Variants in KLHL21 observed in about 807,000 individuals in gnomAD.
The protein encoded by KLHL21 is kelch like family member 21, also known as kelch-like protein 21.
KLHL21 carries 42 observed loss-of-function variants against 44.1 expected under a neutral mutation model. The observed-to-expected ratio is 0.95, with a 90% CI of 0.74 to 1.23. The LOEUF (loss-of-function observed/expected upper bound fraction) is 1.23. Among genes scored for constraint, KLHL21 ranks in the 50% most tolerant of loss-of-function variants. The probability of loss-of-function intolerance (pLI) is 0.00; values close to 1 mark genes in which losing one functional copy is unlikely to be tolerated. For missense variants in KLHL21, 918 were observed against 889.1 expected (o/e 1.03, Z -0.41); for synonymous variants, 524 against 411.6 (o/e 1.27, Z -3.31).
At position 6,602,828 on chromosome 1, in the gene KLHL21, A is replaced by G; in HGVS notation, c.-11T>C. 3 of 1,414,158 alleles carry G rather than the reference A, an allele frequency of 2.1e-6. No homozygotes were observed. Among genetic ancestry groups the G allele is most frequent in the Non-Finnish European group, 2.7e-6 (3 of 1,093,446 alleles). The allele number at this position is 1,414,158 out of a possible 1,614,324, so 87.6% of individuals were successfully genotyped here. Reference sequence around the variant, plus strand: ...CGCCGGTCGCTCCATGGCGCCTTCGATAGGTTGTCGAGGACGCCGCGGCCG... The same window carrying G: ...CGCCGGTCGCTCCATGGCGCCTTCGGTAGGTTGTCGAGGACGCCGCGGCCG... On this transcript the variant is annotated 5_prime_UTR_variant, in exon 1 of 4. Coordinates refer to ENST00000377658, the MANE Select transcript of KLHL21 (RefSeq NM_014851.4).
rs1459929148 is a variant in KLHL21, at chr1:6,590,833, GCCCGA to G, written c.*2527_*2531del. 2.3e-5 allele frequency: 9 copies of G among 398,132 alleles called. No homozygotes were observed. The highest frequency in any genetic ancestry group is 3.5e-5 in the Non-Finnish European group (8 of 225,910). 24.7% of individuals were successfully genotyped at this position (398,132 alleles called of 1,614,324 possible). A position where few individuals can be genotyped will look rare whatever the true frequency, so the allele number is the denominator to read the frequency against. ...TAGACAAAAATAAATATGTCAACCT[GCCCGA>G]CCCTCTGGGGTGAACTGGATGTGGA... On this transcript the variant is annotated 3_prime_UTR_variant, in exon 4 of 4. Coordinates refer to ENST00000377658, the MANE Select transcript of KLHL21 (RefSeq NM_014851.4).
Position 6,602,442 on chromosome 1 carries a change from CG to C in KLHL21, c.375del (p.Cys125TrpfsTer215). On this transcript the variant is annotated frameshift_variant, in exon 1 of 4. Transcript: ENST00000377658. LOFTEE classifies it high-confidence loss of function. The part of the protein sequence containing the change: ...LLQFPAVKEA[C>X]GAFLQQQLDL... ...TCGAGCTGCTGCTGCAGGAAGGCCC[CG>C]CACGCCTCCTTCACGGCCGGGAACT... 6.3e-7 allele frequency: 1 copy of C among 1,589,476 alleles called. No individual in the cohort carries two copies. Among genetic ancestry groups the C allele is most frequent in the Non-Finnish European group, 8.5e-7 (1 of 1,173,258 alleles).
Position 6,592,957 on chromosome 1 carries a change from C to T in KLHL21, c.*408G>A, listed in dbSNP as rs1640872655. The T allele has an allele frequency of 5.6e-6, 1 of 177,018 alleles. No homozygotes were observed. Among genetic ancestry groups the T allele is most frequent in the Non-Finnish European group, 1.2e-5 (1 of 83,890 alleles). The allele number at this position is 177,018 out of a possible 1,614,324, so 11.0% of individuals were successfully genotyped here. On this transcript the variant is annotated 3_prime_UTR_variant, in exon 4 of 4. Coordinates refer to ENST00000377658, the MANE Select transcript of KLHL21 (RefSeq NM_014851.4). ...CTGGTCCGCTGCTCCAGGTTCAGGC[C>T]ATCCTCAGCCTCATGGGAGGACCCC...
Position 6,602,838 on chromosome 1 carries a change from G to A in KLHL21, c.-21C>T, listed in dbSNP as rs972183713. On this transcript the variant is annotated 5_prime_UTR_variant, in exon 1 of 4. Transcript: ENST00000377658. ...TCCATGGCGCCTTCGATAGGTTGTCGAGGACGCCGCGGCCGGGGCCTGCGG... is the reference window on the plus strand; with the variant it reads ...TCCATGGCGCCTTCGATAGGTTGTCAAGGACGCCGCGGCCGGGGCCTGCGG... The A allele has an allele frequency of 2.1e-6, 3 of 1,407,944 alleles. No homozygotes were observed. The highest frequency in any genetic ancestry group is 3.4e-5 in the Admixed American group (1 of 29,206). 87.2% of individuals were successfully genotyped at this position (1,407,944 alleles called of 1,614,324 possible).
At position 6,602,412 on chromosome 1, in the gene KLHL21, C is replaced by A. The variant is rs765573205; in HGVS notation, c.406G>T (p.Ala136Ser). The change falls in exon 1 of 4, where the codon GCC becomes TCC. Residue 136 changes from alanine to serine, a missense_variant. Transcript: ENST00000377658. ...AAGTCCTGCATGTCCAGGCAGTTGG[C>A]CAGGTCGAGCTGCTGCTGCAGGAAG... ...GAFLQQQLDLANCLDMQDFAE... is the reference protein window; with the variant it reads ...GAFLQQQLDLSNCLDMQDFAE... 1 of 1,596,274 alleles carries A rather than the reference C, an allele frequency of 6.3e-7. No individual in the cohort carries two copies. Among genetic ancestry groups the A allele is most frequent in the Admixed American group, 1.7e-5 (1 of 59,016 alleles).
chr1:6,596,764 C>T (rs577499956), intron 2 of KLHL21, among the ~76,000 whole-genome samples: 1 of 152,190 alleles, frequency 6.6e-6, no homozygotes, highest in Non-Finnish European at 1.5e-5. Context: ...AGAGGCTGGA[C>T]AGAGCTCGCC....
In KLHL21 at chr1:6,602,458, G is replaced by C; in HGVS notation, c.360C>G (p.Ala120=). 3 of 1,579,710 alleles carry C rather than the reference G, an allele frequency of 1.9e-6. No individual in the cohort carries two copies. The highest frequency in any genetic ancestry group is 2.6e-6 in the Non-Finnish European group (3 of 1,168,858). The part of the protein sequence containing the change: ...LRAADLLQFP[A]VKEACGAFLQ... ...GGAAGGCCCCGCACGCCTCCTTCAC[G>C]GCCGGGAACTGCAGCAGGTCGGCGG... Residue 120 remains alanine, a synonymous_variant, in exon 1 of 4, where the codon GCC becomes GCG. Transcript: ENST00000377658.
At position 6,591,050 on chromosome 1, in the gene KLHL21, A is replaced by G; in HGVS notation, c.*2315T>C. 1 of 398,678 alleles carries G rather than the reference A, an allele frequency of 2.5e-6. No individual in the cohort carries two copies. Among genetic ancestry groups the G allele is most frequent in the Non-Finnish European group, 4.4e-6 (1 of 226,068 alleles). The allele number at this position is 398,678 out of a possible 1,614,324, so 24.7% of individuals were successfully genotyped here. A position where few individuals can be genotyped will look rare whatever the true frequency, so the allele number is the denominator to read the frequency against. On this transcript the variant is annotated 3_prime_UTR_variant, in exon 4 of 4. Coordinates refer to ENST00000377658, the MANE Select transcript of KLHL21 (RefSeq NM_014851.4). ...GCATCCCAGCATCTATCCTGAAGTC[A>G]GTGTAAAGACATCCTTAAGTGGTGG... is the stretch of plus-strand genomic sequence containing the variant.
At chr1:6,601,662 G>C in intron 1 of KLHL21, 135 bp downstream of exon 1, 1 of 1,359,680 alleles carries the variant, frequency 7.4e-7, no homozygotes, top group Non-Finnish European at 9.7e-7. Flanking sequence ...GAGACATGTA[G>C]TCACCAGAGC....
intron 1 of KLHL21, 150 bp downstream of exon 1, chr1:6,601,647 G>A: frequency 1.6e-6 from 2 of 1,271,080 alleles, no homozygotes; most frequent in Non-Finnish European, 2.1e-6. Flanking sequence ...TAAAAGTATC[G>A]CCCAGAGACA....
rs761912587 is a variant in KLHL21, at chr1:6,602,622, C to A, written c.196G>T (p.Ala66Ser). 1 of 1,519,656 alleles carries A rather than the reference C, an allele frequency of 6.6e-7. No homozygotes were observed. The highest frequency in any genetic ancestry group is 8.8e-7 in the Non-Finnish European group (1 of 1,139,582). The allele number at this position is 1,519,656 out of a possible 1,614,324, so 94.1% of individuals were successfully genotyped here. ...GCGCGGCTCTCGCGCAGCTGCCCCG[C>A]GAACATGGCGCGGAAGTAGGGGCTG... The part of the protein sequence containing the change: ...AASPYFRAMF[A>S]GQLRESRAER... The change falls in exon 1 of 4, where the codon GCG becomes TCG. Residue 66 changes from alanine to serine, a missense_variant. Coordinates refer to ENST00000377658, the MANE Select transcript of KLHL21 (RefSeq NM_014851.4).
In KLHL21 at chr1:6,599,367, C is replaced by A. The variant is rs762671661; in HGVS notation, c.1107G>T (p.Leu369=). Residue 369 remains leucine (L), a synonymous_variant, in exon 2 of 4, where the codon CTG becomes CTT. Transcript: ENST00000377658. ...VNEWAEVAPM[L]KAREYHSSSV... is the part of the protein sequence containing the mutation. ...AGGAGCTGTGGTACTCGCGGGCCTTCAGCATGGGCGCCACCTCCGCCCACT... is the reference window on the plus strand; with the variant it reads ...AGGAGCTGTGGTACTCGCGGGCCTTAAGCATGGGCGCCACCTCCGCCCACT... 1 of 1,613,794 alleles carries A rather than the reference C, an allele frequency of 6.2e-7. No homozygotes were observed. Among genetic ancestry groups the A allele is most frequent in the Admixed American group, 1.7e-5 (1 of 60,014 alleles).
In KLHL21 at chr1:6,595,606, G is replaced by C. The variant is rs747452976; in HGVS notation, c.1428-49C>G. The C allele has an allele frequency of 2.0e-6, 3 of 1,519,568 alleles. No homozygotes were observed. In the Admixed American group the frequency reaches 5.1e-5, roughly 26 times the overall value. 94.1% of individuals were successfully genotyped at this position (1,519,568 alleles called of 1,614,324 possible). ...CAACTGCTCAGAGCGAGGAGGAAGT[G>C]CACACATGCAGGGCTGGAGCAGAGT... On this transcript the variant is annotated intron_variant, in intron 2 of 3. Transcript: ENST00000377658.
At chr1:6,598,948 C>A in intron 2 of KLHL21, 99 bp downstream of exon 2, 2 of 1,251,316 alleles carry the variant, frequency 1.6e-6, no homozygotes, top group Non-Finnish European at 2.2e-6. Flanking sequence ...GCCTCAGTTT[C>A]TCATCTGTGG....
intron 3 of KLHL21, chr1:6,593,900 C>G: frequency 7.7e-7 from 1 of 1,299,120 alleles, no homozygotes; most frequent in Non-Finnish European, 9.8e-7. Flanking sequence ...GCCAGGCCTC[C>G]CCGTGTGCAG....
intron 3 of KLHL21, chr1:6,595,108 C>G (rs1295892405): frequency 1.0e-5 from 5 of 484,086 alleles, no homozygotes; most frequent in Non-Finnish European, 7.3e-6. Flanking sequence ...GCTCCGGCCA[C>G]ATGGGCTGCT....
rs1472644647 is a variant in KLHL21, at chr1:6,599,279, T to C, written c.1195A>G (p.Thr399Ala). ...ADSTERYDHTTDSWEALQPMT... is the reference protein window; with the variant it reads ...ADSTERYDHTADSWEALQPMT... ...GGCTGCAGGGCCTCCCAGGAGTCAG[T>C]GGTGTGGTCATAGCGCTCGGTGCTG... The change falls in exon 2 of 4, where the codon ACT (threonine) becomes GCT (alanine). Residue 399 changes from threonine to alanine, a missense_variant. Thr to Ala is a moderately conservative substitution (Grantham distance 58). Coordinates refer to ENST00000377658, the MANE Select transcript of KLHL21 (RefSeq NM_014851.4). 2 of 1,613,890 alleles carry C rather than the reference T, an allele frequency of 1.2e-6. No homozygotes were observed. Among genetic ancestry groups the C allele is most frequent in the African/African-American group, 2.7e-5 (2 of 74,904 alleles).
intron 3 of KLHL21, 101 bp downstream of exon 3, chr1:6,595,384 C>T (rs2232463): frequency 0.025 from 25,866 of 1,048,350 alleles, 425 homozygotes; most frequent in Non-Finnish European, 0.032. Flanking sequence ...ATGAGACCCA[C>T]CCATCATGGC....
intron 3 of KLHL21, 110 bp from the exon 4 acceptor site, chr1:6,593,768 G>A: frequency 7.1e-7 from 1 of 1,414,818 alleles, no homozygotes. Flanking sequence ...CCAGAGGGGT[G>A]GCCTTGGCTC....
Sources: allele counts gnomAD v4.1 joint callset (sites outside exome capture counted in the v4.1 genomes callset), GRCh38; gene constraint gnomAD v4.1.1; transcripts MANE v1.5; gene names NCBI Gene and HGNC (gene_info 2026-07-23, HGNC 2026-07-21).